The following DCP1A variants were observed in gnomAD, a reference collection of about 807,000 sequenced individuals.
DCP1A encodes decapping mRNA 1A.
A neutral mutation model predicts 58.0 loss-of-function variants in DCP1A; 20 were observed. The ratio of observed to expected loss-of-function variants is 0.34; its 90% CI spans 0.24 to 0.50. DCP1A has a LOEUF of 0.50. Ranked by LOEUF, DCP1A falls within the 20% of genes least tolerant of loss-of-function variation. The pLI is 0.98. For missense variants in DCP1A, 613 were observed against 712.2 expected, an observed-to-expected ratio of 0.86 and a Z score of 1.59; for synonymous variants, 285 against 275.1, an observed-to-expected ratio of 1.04 and a Z score of -0.36.
intron 4 of DCP1A, among the ~76,000 whole-genome samples, chr3:53,315,612 A>T (rs1344434835): frequency 1.3e-5 from 2 of 150,398 alleles, no homozygotes; most frequent in Non-Finnish European, 3.0e-5. Flanking sequence ...TTCTAAGTTT[A>T]GTGGGTTTTC....
chr3:53,341,822 G>A (rs2089210097), intron 3 of DCP1A, among the ~76,000 whole-genome samples: 1 of 152,064 alleles, frequency 6.6e-6, no homozygotes, highest in Non-Finnish European at 1.5e-5. Flanking sequence ...ACAGGCGCCT[G>A]CCACCAAGCC....
chr3:53,306,058 T>A (rs538285186), intron 5 of DCP1A, among the ~76,000 whole-genome samples: 2 of 152,294 alleles, frequency 1.3e-5, no homozygotes, highest in Admixed American at 6.5e-5. Flanking sequence ...GAGATTTTTT[T>A]AAAAAGCAGC....
intron 8 of DCP1A, among the ~76,000 whole-genome samples, chr3:53,288,649 G>A (rs1254260814): frequency 4.6e-5 from 7 of 152,096 alleles, no homozygotes; most frequent in African/African-American, 1.4e-4. Context: ...GACTGAAGAG[G>A]ACATGAGGGA....
At chr3:53,293,523 G>A (rs904640290) in intron 6 of DCP1A, among the ~76,000 whole-genome samples, 1 of 152,108 alleles carries the variant, frequency 6.6e-6, no homozygotes, top group South Asian at 2.1e-4. Context: ...CTGGGCCCAC[G>A]CGATGCAGCA....
Position 53,304,165 on chromosome 3 carries a change from A to G in DCP1A, c.624+12T>C. 1 of 1,579,792 alleles carries G rather than the reference A, an allele frequency of 6.3e-7. No homozygotes were observed. Among genetic ancestry groups the G allele is most frequent in the Non-Finnish European group, 8.7e-7 (1 of 1,151,190 alleles). Reference sequence around the variant, plus strand: ...TTACTTAGGACAAAGCTAGAGCTTTAGCTGTACAAACCTTATCCTGTGACC... The same window carrying G: ...TTACTTAGGACAAAGCTAGAGCTTTGGCTGTACAAACCTTATCCTGTGACC... On this transcript the variant is annotated intron_variant, in intron 6 of 9. Transcript: ENST00000610213.
At chr3:53,342,839 GC>G (rs1353998854) in intron 2 of DCP1A, among the ~76,000 whole-genome samples, 1 of 152,162 alleles carries the variant, frequency 6.6e-6, no homozygotes, top group Non-Finnish European at 1.5e-5. Flanking sequence ...TGCAAATGGA[GC>G]TTTTGTCTTA....
At chr3:53,321,627 G>A (rs1477648246) in intron 3 of DCP1A, among the ~76,000 whole-genome samples, 1 of 152,194 alleles carries the variant, frequency 6.6e-6, no homozygotes, top group Non-Finnish European at 1.5e-5. Context: ...GCGGAGACAG[G>A]AGAATTGCTT....
intron 5 of DCP1A, among the ~76,000 whole-genome samples, chr3:53,309,284 T>A (rs1322272871): frequency 6.6e-6 from 1 of 150,990 alleles, no homozygotes. Context: ...GGCAGGAGGA[T>A]CACTTGAATC....
Position 53,343,587 on chromosome 3 carries a change from G to A in DCP1A, c.176+1315C>T, listed in dbSNP as rs149318357. On this transcript the variant is annotated intron_variant, in intron 2 of 9. Transcript: ENST00000610213. ...TTGCTAATGAAGAGTAATGAAGGGAGTGAGGGTAAAGATCCTTTCCTATTA... is the reference window on the plus strand; with the variant it reads ...TTGCTAATGAAGAGTAATGAAGGGAATGAGGGTAAAGATCCTTTCCTATTA... Among the ~76,000 whole-genome samples, 325 of 152,244 alleles carry A rather than the reference G, an allele frequency of 2.1e-3. 3 individuals carry two copies. Among genetic ancestry groups the A allele is most frequent in the African/African-American group, 7.4e-3 (306 of 41,536 alleles).
intron 3 of DCP1A, among the ~76,000 whole-genome samples, chr3:53,321,894 A>G (rs1245490617): frequency 9.2e-5 from 14 of 152,226 alleles, no homozygotes; most frequent in Admixed American, 8.5e-4. Flanking sequence ...AGTGACACAT[A>G]AAAGAAGAAA....
chr3:53,341,531 T>C (rs2089203240), intron 3 of DCP1A, among the ~76,000 whole-genome samples: 1 of 152,198 alleles, frequency 6.6e-6, no homozygotes. Flanking sequence ...CCATCCTGTG[T>C]GTCCCAAACT....
At chr3:53,289,435 AC>A (rs1365841480) in intron 8 of DCP1A, among the ~76,000 whole-genome samples, 1 of 151,548 alleles carries the variant, frequency 6.6e-6, no homozygotes, top group Non-Finnish European at 1.5e-5. Flanking sequence ...ACATGGTGAA[AC>A]CCCATCTCTA....
chr3:53,323,565 T>C (rs1553690254), intron 3 of DCP1A, among the ~76,000 whole-genome samples: 1 of 152,078 alleles, frequency 6.6e-6, no homozygotes, highest in African/African-American at 2.4e-5. Flanking sequence ...TACACAGTGA[T>C]AAGAAAAGTT....
intron 3 of DCP1A, among the ~76,000 whole-genome samples, chr3:53,330,220 G>T (rs2088961995): frequency 1.3e-5 from 2 of 152,134 alleles, no homozygotes. Flanking sequence ...TGGGCTTACT[G>T]TAGTAGCACA....
rs368283890 is a variant in DCP1A at position 53,292,900 on chromosome 3, AGC to A, written c.625-75_625-74del. 361 of 1,476,972 alleles carry A rather than the reference AGC, an allele frequency of 2.4e-4. 1 individual carries two copies. In the Middle Eastern group the frequency reaches 3.6e-3, roughly 15 times the overall value. 91.5% of individuals were successfully genotyped at this position (1,476,972 alleles called of 1,614,324 possible). ...AGCATAACCAAACTTCTTTTCCAGAAGCCAAAGATTTTGCAGAATCAAGGATG... is the reference window on the plus strand; with the variant it reads ...AGCATAACCAAACTTCTTTTCCAGAACAAAGATTTTGCAGAATCAAGGATG... On this transcript the variant is annotated intron_variant, in intron 6 of 9. Transcript: ENST00000610213.
At chr3:53,319,950 G>C (rs1172733586) in intron 3 of DCP1A, among the ~76,000 whole-genome samples, 2 of 151,894 alleles carry the variant, frequency 1.3e-5, no homozygotes, top group Admixed American at 1.3e-4. Context: ...GCCAACATAG[G>C]TGAAACCCGT....
chr3:53,298,488 G>T (rs1402005800), intron 6 of DCP1A, among the ~76,000 whole-genome samples: 1 of 152,196 alleles, frequency 6.6e-6, no homozygotes, highest in Non-Finnish European at 1.5e-5. Context: ...CTATGTGGGA[G>T]GCGATATGCT....
At chr3:53,335,678 T>C (rs1355605549) in intron 3 of DCP1A, among the ~76,000 whole-genome samples, 1 of 152,238 alleles carries the variant, frequency 6.6e-6, no homozygotes, top group East Asian at 1.9e-4. Flanking sequence ...CTCAGATATA[T>C]CTTCTAGCTC....
rs1367360864 is a variant in DCP1A, at chr3:53,307,000, A to T, written c.511-2710T>A. ...CACCCAGGCTGGAGTGCAGTGGCGC[A>T]ATCTTGGCTCACTGTAACCTTCGCC... On this transcript the variant is annotated intron_variant, in intron 5 of 9. Transcript: ENST00000610213. Among the ~76,000 whole-genome samples, 4 of 138,688 alleles carry T rather than the reference A, an allele frequency of 2.9e-5. No individual in the cohort carries two copies. In the East Asian group the frequency reaches 8.6e-4, roughly 30 times the overall value. The allele number at this position is 138,688 out of a possible 152,430, so 91.0% of individuals were successfully genotyped here. A position where few individuals can be genotyped will look rare whatever the true frequency, so the allele number is the denominator to read the frequency against.
Sources: gnomAD v4.1 joint callset for allele counts (sites outside exome capture counted in the v4.1 genomes callset) on GRCh38, gnomAD v4.1.1 for gene constraint, MANE v1.5 for transcripts, NCBI Gene and HGNC (gene_info 2026-07-23, HGNC 2026-07-21) for gene names.